The following FAT4 variants were observed in gnomAD, a reference collection of about 807,000 sequenced individuals.
FAT4 encodes FAT atypical cadherin 4, also known as protocadherin Fat 4.
A neutral mutation model predicts 303.9 loss-of-function variants in FAT4; 84 were observed. The observed-to-expected ratio is 0.28, with a 90% confidence interval of 0.23 to 0.33. The LOEUF (loss-of-function observed/expected upper bound fraction) is 0.33. FAT4 is among the 10% of genes least tolerant of loss of function. The pLI, the probability that FAT4 is intolerant of heterozygous loss-of-function variation, is 1.00. For missense variants in FAT4, 6,005 were observed against 6,146.8 expected (o/e 0.98, Z 0.77); for synonymous variants, 2,307 against 2,298.8 (o/e 1.00, Z -0.10).
At chr4:125,407,170 T>C in intron 4 of FAT4, 29 bp downstream of exon 4, 1 of 1,576,610 alleles carries the variant, frequency 6.3e-7, no homozygotes, top group Non-Finnish European at 8.6e-7. Flanking sequence ...ATGTGTATTT[T>C]GCAAGAATCG....
At chr4:125,398,724 T>C (rs974599367) in intron 2 of FAT4, 60 bp from the exon 3 acceptor site, 2 of 1,546,984 alleles carry the variant, frequency 1.3e-6, no homozygotes, top group East Asian at 4.6e-5. Flanking sequence ...GTAGTCATTT[T>C]AATTGGTATC....
In FAT4 at chr4:125,451,067, A is replaced by C; in HGVS notation, c.10057A>C (p.Lys3353Gln). The change falls in exon 10 of 18, where the codon AAG becomes CAG. Residue 3353 changes from lysine to glutamine, a missense_variant. Coordinates refer to ENST00000394329, the MANE Select transcript of FAT4 (RefSeq NM_001291303.3). ...SRKKGFQINK[K>Q]TGQIYVSGIL... ...AAAGAAGGGTTTCCAGATCAATAAGAAGACTGGACAGATTTATGTTTCTGG... is the reference window on the plus strand; with the variant it reads ...AAAGAAGGGTTTCCAGATCAATAAGCAGACTGGACAGATTTATGTTTCTGG... 3 of 1,614,108 alleles carry C rather than the reference A, an allele frequency of 1.9e-6. No individual in the cohort carries two copies. Among genetic ancestry groups the C allele is most frequent in the Non-Finnish European group, 2.5e-6 (3 of 1,180,000 alleles).
At chr4:125,354,219 G>A (rs572028669) in intron 2 of FAT4, among the ~76,000 whole-genome samples, 20 of 151,614 alleles carry the variant, frequency 1.3e-4, no homozygotes, top group African/African-American at 3.4e-4. Flanking sequence ...ATAACTTATC[G>A]TTTTCCCTAG....
At chr4:125,349,746 C>T (rs1261745836) in intron 2 of FAT4, among the ~76,000 whole-genome samples, 1 of 151,594 alleles carries the variant, frequency 6.6e-6, no homozygotes, top group East Asian at 1.9e-4. Flanking sequence ...CGTATCATCA[C>T]ATAAGCTAGA....
At chr4:125,421,088 A>G (rs1724860611) in intron 7 of FAT4, among the ~76,000 whole-genome samples, 1 of 152,014 alleles carries the variant, frequency 6.6e-6, no homozygotes, top group Non-Finnish European at 1.5e-5. Context: ...ATGCCTGGCT[A>G]ATTTTTTTTT....
rs962008021 is a variant in FAT4, at chr4:125,392,293, CAT to C, written c.5176-6490_5176-6489del. ...TTATGTGGTTTAAGTGACAATATTA[CAT>C]GAGACAATTAATTTTGGAGTGTCAG... is the stretch of plus-strand genomic sequence containing the variant. On this transcript the variant is annotated intron_variant, in intron 2 of 17. Coordinates refer to ENST00000394329, the MANE Select transcript of FAT4 (RefSeq NM_001291303.3). 2.6e-5 allele frequency among the ~76,000 whole-genome samples: 4 copies of C among 152,214 alleles called. 1 individual carries two copies. Among genetic ancestry groups the C allele is most frequent in the Admixed American group, 2.6e-4 (4 of 15,270 alleles).
Position 125,491,429 on chromosome 4 carries a change from A to G in FAT4, c.14613A>G (p.Lys4871=). The G allele has an allele frequency of 6.2e-7, 1 of 1,614,104 alleles. No individual in the cohort carries two copies. The change falls in exon 18 of 18, where the codon AAA becomes AAG. Residue 4871 remains lysine (K), a synonymous_variant. Coordinates refer to ENST00000394329, the MANE Select transcript of FAT4 (RefSeq NM_001291303.3). ...TGGTATATACTTCCAGAATGCCCAA[A>G]TTATCTCAAGTCAATGAATCTGATG... is the stretch of plus-strand genomic sequence containing the variant. The part of the protein sequence containing the change: ...KPMVYTSRMP[K]LSQVNESDAD...
chr4:125,424,184 T>G (rs1725004435), intron 7 of FAT4, among the ~76,000 whole-genome samples: 1 of 152,146 alleles, frequency 6.6e-6, no homozygotes, highest in East Asian at 1.9e-4. Flanking sequence ...ATGATTTGGC[T>G]GTGTGCCCAG....
chr4:125,393,786 A>T, intron 2 of FAT4: 1 of 473,178 alleles, frequency 2.1e-6, no homozygotes, highest in Non-Finnish European at 3.8e-6. Context: ...AATTACCAAA[A>T]GACAGATCAT....
At chr4:125,332,539 G>T (rs958139560) in intron 2 of FAT4, among the ~76,000 whole-genome samples, 1 of 152,024 alleles carries the variant, frequency 6.6e-6, no homozygotes, top group African/African-American at 2.4e-5. Flanking sequence ...AATTTGATTT[G>T]ATTTCATTCA....
chr4:125,408,754 A>T lies in FAT4; in HGVS notation c.5880A>T (p.Gly1960=), dbSNP rs756664489. ...STSLMENLPV[G]STVLVFNVTD... ...CTTTAATGGAGAATCTACCTGTGGG[A>T]TCTACTGTTCTTGTGTTTAATGTTA... Residue 1960 remains glycine, a synonymous_variant, in exon 5 of 18, where the codon GGA becomes GGT. Coordinates refer to ENST00000394329, the MANE Select transcript of FAT4 (RefSeq NM_001291303.3). The T allele has an allele frequency of 1.9e-6, 3 of 1,598,616 alleles. No individual in the cohort carries two copies. The highest frequency in any genetic ancestry group is 2.6e-6 in the Non-Finnish European group (3 of 1,171,794).
intron 2 of FAT4, among the ~76,000 whole-genome samples, chr4:125,349,582 T>C (rs1732141554): frequency 6.6e-6 from 1 of 151,772 alleles, no homozygotes; most frequent in South Asian, 2.1e-4. Context: ...GAGAGATTTA[T>C]GGTGACATAA....
At chr4:125,335,160 TGAACACA>T (rs1731521681) in intron 2 of FAT4, among the ~76,000 whole-genome samples, 1 of 152,172 alleles carries the variant, frequency 6.6e-6, no homozygotes, top group Non-Finnish European at 1.5e-5. Flanking sequence ...TGGGTCAAAC[TGAACACA>T]GATGGCTGTA....
At chr4:125,375,871 A>G (rs1295830545) in intron 2 of FAT4, among the ~76,000 whole-genome samples, 1 of 152,192 alleles carries the variant, frequency 6.6e-6, no homozygotes, top group Non-Finnish European at 1.5e-5. Context: ...TATGATTACA[A>G]TATATTTACC....
At position 125,467,172 on chromosome 4, in the gene FAT4, C is replaced by G. The variant is rs565011566; in HGVS notation, c.11906-1340C>G. Among the ~76,000 whole-genome samples, 29 of 152,254 alleles carry G rather than the reference C, an allele frequency of 1.9e-4. No individual in the cohort carries two copies. In the South Asian group the frequency reaches 4.8e-3, roughly 25 times the overall value. On this transcript the variant is annotated intron_variant, in intron 11 of 17. Transcript: ENST00000394329. Reference sequence around the variant, plus strand: ...ATAACACAAACTTTTATAGCAACTTCTAGGCTGTTTTAATTTTAAAAATGT... The same window carrying G: ...ATAACACAAACTTTTATAGCAACTTGTAGGCTGTTTTAATTTTAAAAATGT...
At chr4:125,358,622 G>A (rs781341194) in intron 2 of FAT4, among the ~76,000 whole-genome samples, 4 of 152,134 alleles carry the variant, frequency 2.6e-5, no homozygotes, top group Non-Finnish European at 5.9e-5. Context: ...AGGTGATAAA[G>A]TGAGTGATGG....
intron 2 of FAT4, among the ~76,000 whole-genome samples, chr4:125,329,972 C>A (rs1257105344): frequency 6.6e-6 from 1 of 152,232 alleles, no homozygotes; most frequent in Admixed American, 6.5e-5. Context: ...ATCATGCTCA[C>A]TGTTAGTAAC....
intron 2 of FAT4, among the ~76,000 whole-genome samples, chr4:125,395,453 G>A (rs1267508564): frequency 2.0e-5 from 3 of 152,046 alleles, no homozygotes; most frequent in South Asian, 4.1e-4. Flanking sequence ...GGGATTACAG[G>A]TGCACGCCAC....
At chr4:125,352,258 T>C (rs746600458) in intron 2 of FAT4, among the ~76,000 whole-genome samples, 6 of 151,650 alleles carry the variant, frequency 4.0e-5, no homozygotes, top group Non-Finnish European at 7.4e-5. Flanking sequence ...TTTGGTCACC[T>C]GGTGCTGTGA....
Sources: allele counts gnomAD v4.1 joint callset (sites outside exome capture counted in the v4.1 genomes callset), GRCh38; gene constraint gnomAD v4.1.1; transcripts MANE v1.5; gene names NCBI Gene and HGNC (gene_info 2026-07-23, HGNC 2026-07-21).